Variants in BACH2 observed in about 807,000 individuals in gnomAD.
The protein encoded by BACH2 is transcription regulator protein BACH2.
In BACH2, 5 loss-of-function variants were observed where a neutral mutation model predicts 61.8. The observed-to-expected ratio is 0.08, with a 90% CI of 0.04 to 0.17. BACH2 has a LOEUF of 0.17. BACH2 is among the 10% of genes least tolerant of loss of function. BACH2 has a pLI of 1.00. For synonymous variants in BACH2, 446 were observed against 440.1 expected, an observed-to-expected ratio of 1.01 and a Z score of -0.17; for missense variants, 824 against 1,091.1, an observed-to-expected ratio of 0.76 and a Z score of 3.45.
chr6:90,064,640 C>G (rs531474409), intron 5 of BACH2, among the ~76,000 whole-genome samples: 1 of 152,096 alleles, frequency 6.6e-6, no homozygotes, highest in Non-Finnish European at 1.5e-5. Context: ...AAAAGTCCAG[C>G]TAATAAGTGG....
chr6:90,269,593 A>G (rs1771455200), intron 2 of BACH2, among the ~76,000 whole-genome samples: 1 of 152,218 alleles, frequency 6.6e-6, no homozygotes, highest in Non-Finnish European at 1.5e-5. Context: ...GGTAACCAGC[A>G]TCAAAAGACA....
intron 1 of BACH2, among the ~76,000 whole-genome samples, chr6:90,294,901 T>C (rs945617062): frequency 6.6e-6 from 1 of 152,220 alleles, no homozygotes; most frequent in Non-Finnish European, 1.5e-5. Context: ...CTAATTTTAC[T>C]CTAAACAGAC....
chr6:90,081,441 A>G (rs1355762300), intron 5 of BACH2, among the ~76,000 whole-genome samples: 1 of 152,194 alleles, frequency 6.6e-6, no homozygotes, highest in Non-Finnish European at 1.5e-5. Context: ...ATTCAACACA[A>G]TCGCAGATGC....
intron 4 of BACH2, among the ~76,000 whole-genome samples, chr6:90,167,856 C>CT (rs752171533): frequency 5.9e-5 from 9 of 152,140 alleles, no homozygotes; most frequent in Non-Finnish European, 1.0e-4. Context: ...CTGAGGTAGG[C>CT]TTGTAAACTT....
chr6:90,082,480 TATAAG>T (rs1362297606), intron 5 of BACH2, among the ~76,000 whole-genome samples: 3 of 152,310 alleles, frequency 2.0e-5, no homozygotes, highest in Non-Finnish European at 2.9e-5. Flanking sequence ...ATCACTGTCC[TATAAG>T]ATGACACTTA....
chr6:90,248,575 T>C (rs1016203637), intron 3 of BACH2, among the ~76,000 whole-genome samples: 1 of 152,084 alleles, frequency 6.6e-6, no homozygotes, highest in Non-Finnish European at 1.5e-5. Context: ...TCTCAGAGGA[T>C]GTGATGTTAA....
At chr6:90,050,216 G>C (rs1222309239) in intron 5 of BACH2, among the ~76,000 whole-genome samples, 1 of 152,122 alleles carries the variant, frequency 6.6e-6, no homozygotes, top group Non-Finnish European at 1.5e-5. Context: ...AGCTGATAAA[G>C]CAACATGTTC....
chr6:90,082,540 T>C (rs561678157), intron 5 of BACH2, among the ~76,000 whole-genome samples: 1 of 152,244 alleles, frequency 6.6e-6, no homozygotes, highest in South Asian at 2.1e-4. Flanking sequence ...ATGTAATCAG[T>C]CTAGAGCACT....
At chr6:90,206,804 T>C (rs1769160171) in intron 3 of BACH2, 123 bp from the exon 4 acceptor site, 1 of 152,244 alleles carries the variant, frequency 6.6e-6, no homozygotes. Context: ...TCCAACATGG[T>C]AGCCACTAGT....
chr6:90,069,223 G>T (rs1447507494), intron 5 of BACH2, among the ~76,000 whole-genome samples: 1 of 152,138 alleles, frequency 6.6e-6, no homozygotes. Flanking sequence ...ACAAGGACTT[G>T]GTTCCTGAAC....
chr6:90,293,271 A>G (rs1562546780), intron 1 of BACH2, among the ~76,000 whole-genome samples: 2 of 152,322 alleles, frequency 1.3e-5, no homozygotes, highest in South Asian at 2.1e-4. Flanking sequence ...TGCATTTACA[A>G]TAAGCTAGAT....
At position 90,214,370 on chromosome 6, in the gene BACH2, T is replaced by C. The variant is rs1002553238; in HGVS notation, c.-274-7689A>G. ...CCCTTGGCGGGGCGGGGGGAGGGGG[T>C]TGCTGTACAATTCAGGCAAACATAT... is the stretch of plus-strand genomic sequence containing the variant. On this transcript the variant is annotated intron_variant, in intron 3 of 8. Transcript: ENST00000257749. Among the ~76,000 whole-genome samples, 3 of 151,468 alleles carry C rather than the reference T, an allele frequency of 2.0e-5. No individual in the cohort carries two copies. In the South Asian group the frequency reaches 6.3e-4, roughly 32 times the overall value.
At chr6:90,270,361 C>T (rs1410364260) in intron 2 of BACH2, among the ~76,000 whole-genome samples, 2 of 152,058 alleles carry the variant, frequency 1.3e-5, no homozygotes, top group Admixed American at 6.5e-5. Flanking sequence ...CCAAAAAGCT[C>T]CTAGATCAGT....
At chr6:90,086,105 T>G (rs1274247871) in intron 5 of BACH2, among the ~76,000 whole-genome samples, 1 of 152,226 alleles carries the variant, frequency 6.6e-6, no homozygotes, top group East Asian at 1.9e-4. Flanking sequence ...GTGTCTGGAT[T>G]ATTTCACTTA....
At chr6:90,161,086 CAAAAA>C (rs11390042) in intron 4 of BACH2, among the ~76,000 whole-genome samples, 2 of 105,200 alleles carry the variant, frequency 1.9e-5, no homozygotes, top group Admixed American at 1.0e-4. Flanking sequence ...GACTCCGTCT[CAAAAA>C]AAAAAAAAAA....
At chr6:90,072,728 C>T (rs966862071) in intron 5 of BACH2, among the ~76,000 whole-genome samples, 1 of 152,160 alleles carries the variant, frequency 6.6e-6, no homozygotes, top group African/African-American at 2.4e-5. Context: ...TTCACAAATC[C>T]ATTCTATCAA....
intron 5 of BACH2, among the ~76,000 whole-genome samples, chr6:90,050,200 T>G (rs1350168117): frequency 6.6e-6 from 1 of 152,204 alleles, no homozygotes; most frequent in African/African-American, 2.4e-5. Context: ...TTTGAAGATC[T>G]GTGTAAGCTG....
intron 5 of BACH2, among the ~76,000 whole-genome samples, chr6:90,020,011 G>A (rs780927042): frequency 1.8e-4 from 28 of 152,310 alleles, no homozygotes; most frequent in Admixed American, 6.5e-5. Context: ...TCATCAAATG[G>A]TATAATCTAA....
In BACH2 at chr6:90,088,958, T is replaced by TA. The variant is rs1308462068; in HGVS notation, c.-13+2dup. On this transcript the variant is annotated splice_region_variant and intron_variant, in intron 5 of 8. Coordinates refer to ENST00000257749, the MANE Select transcript of BACH2 (RefSeq NM_021813.4). ...AGGAAAATAAACCCTGGTCAAAACT[T>TA]ACATGTAATTTTTCCAGGTCCTGTG... 6.6e-6 allele frequency: 1 copy of TA among 152,310 alleles called. No homozygotes were observed. The highest frequency in any genetic ancestry group is 1.5e-5 in the Non-Finnish European group (1 of 68,038). 9.4% of individuals were successfully genotyped at this position (152,310 alleles called of 1,614,324 possible). A position where few individuals can be genotyped will look rare whatever the true frequency, so the allele number is the denominator to read the frequency against.
Sources: gnomAD v4.1 joint callset for allele counts (sites outside exome capture counted in the v4.1 genomes callset) on GRCh38, gnomAD v4.1.1 for gene constraint, MANE v1.5 for transcripts, NCBI Gene and HGNC (gene_info 2026-07-23, HGNC 2026-07-21) for gene names.